The following PITPNC1 variants were observed in gnomAD, a reference collection of about 807,000 sequenced individuals.
PITPNC1 encodes the protein cytoplasmic phosphatidylinositol transfer protein 1.
PITPNC1 carries 18 observed loss-of-function variants against 44.7 expected under a neutral mutation model. That is an observed-to-expected ratio of 0.40 (90% CI 0.28 to 0.60). The LOEUF (loss-of-function observed/expected upper bound fraction) is 0.60. Ranked by LOEUF, PITPNC1 falls within the 20% of genes least tolerant of loss-of-function variation. PITPNC1 has a pLI of 0.39. For synonymous variants in PITPNC1, 141 were observed against 149.6 expected, an observed-to-expected ratio of 0.94 and a Z score of 0.42; for missense variants, 290 against 418.4, an observed-to-expected ratio of 0.69 and a Z score of 2.68.
chr17:67,614,806 A>G (rs1027384366), intron 5 of PITPNC1, among the ~76,000 whole-genome samples: 5 of 151,982 alleles, frequency 3.3e-5, no homozygotes, highest in African/African-American at 1.2e-4. Context: ...GAGCCCCAGG[A>G]GTTTGAGAGC....
At chr17:67,652,893 A>T (rs957095361) in intron 6 of PITPNC1, among the ~76,000 whole-genome samples, 3 of 152,212 alleles carry the variant, frequency 2.0e-5, no homozygotes, top group Non-Finnish European at 4.4e-5. Context: ...CCAGAATGTG[A>T]ACTTACTTGG....
intron 5 of PITPNC1, among the ~76,000 whole-genome samples, chr17:67,608,179 G>A (rs1399643586): frequency 4.8e-5 from 7 of 146,966 alleles, no homozygotes; most frequent in African/African-American, 1.0e-4. Flanking sequence ...GCCGATTATC[G>A]CAAAATGTTT....
intron 1 of PITPNC1, among the ~76,000 whole-genome samples, chr17:67,476,912 A>T (rs901819860): frequency 6.6e-6 from 1 of 152,118 alleles, no homozygotes; most frequent in African/African-American, 2.4e-5. Flanking sequence ...ATCACCTGCG[A>T]GCTTGTTAGA....
chr17:67,479,926 G>C (rs1300331622), intron 1 of PITPNC1, among the ~76,000 whole-genome samples: 1 of 152,178 alleles, frequency 6.6e-6, no homozygotes, highest in Non-Finnish European at 1.5e-5. Context: ...ATTCAGAGTT[G>C]TACAAGCAAC....
At chr17:67,692,220 AAC>A (rs534268823) in intron 8 of PITPNC1, among the ~76,000 whole-genome samples, 4 of 152,286 alleles carry the variant, frequency 2.6e-5, no homozygotes, top group Admixed American at 6.5e-5. Flanking sequence ...GACCCACAAC[AAC>A]ACAGATGCAC....
At chr17:67,534,416 TC>T (rs752799652) in intron 2 of PITPNC1, among the ~76,000 whole-genome samples, 58 of 152,080 alleles carry the variant, frequency 3.8e-4, no homozygotes, top group Non-Finnish European at 6.0e-4. Flanking sequence ...AGGTGGTAGA[TC>T]ACTTTAGGTC....
chr17:67,507,998 TG>T (rs2040130178), intron 1 of PITPNC1, among the ~76,000 whole-genome samples: 1 of 152,198 alleles, frequency 6.6e-6, no homozygotes, highest in Non-Finnish European at 1.5e-5. Context: ...GCCACCTAGT[TG>T]TCCCCGGAAT....
chr17:67,484,454 A>G (rs912139976), intron 1 of PITPNC1, among the ~76,000 whole-genome samples: 1 of 152,232 alleles, frequency 6.6e-6, no homozygotes, highest in South Asian at 2.1e-4. Context: ...TCTCTAGCTC[A>G]GTCGCCACAT....
At chr17:67,670,010 T>C (rs2042485619) in intron 7 of PITPNC1, among the ~76,000 whole-genome samples, 1 of 151,666 alleles carries the variant, frequency 6.6e-6, no homozygotes, top group Non-Finnish European at 1.5e-5. Flanking sequence ...GAGGCAGAGA[T>C]TGCAGTGAAC....
rs1443755863 is a variant in PITPNC1 at position 67,378,111 on chromosome 17, G to C, written c.-44G>C. 3.5e-6 allele frequency: 5 copies of C among 1,445,256 alleles called. No homozygotes were observed. Among genetic ancestry groups the C allele is most frequent in the Non-Finnish European group, 2.8e-6 (3 of 1,072,072 alleles). The allele number at this position is 1,445,256 out of a possible 1,614,324, so 89.5% of individuals were successfully genotyped here. Reference sequence around the variant, plus strand: ...GGCAGCAGCCTTGCTGGTCTTGGGGGCGCCCCCCGCTTCCCGCCCCGGGGG... The same window carrying C: ...GGCAGCAGCCTTGCTGGTCTTGGGGCCGCCCCCCGCTTCCCGCCCCGGGGG... On this transcript the variant is annotated 5_prime_UTR_variant, in exon 1 of 9. Transcript: ENST00000581322.
At chr17:67,479,604 TG>T (rs2144024166) in intron 1 of PITPNC1, among the ~76,000 whole-genome samples, 1 of 152,254 alleles carries the variant, frequency 6.6e-6, no homozygotes, top group African/African-American at 2.4e-5. Context: ...TACGGCTTCT[TG>T]GAACAAAGGA....
chr17:67,600,425 A>G (rs2041526076), intron 5 of PITPNC1, among the ~76,000 whole-genome samples: 1 of 152,186 alleles, frequency 6.6e-6, no homozygotes, highest in Admixed American at 6.5e-5. Context: ...CGGGCTGCTC[A>G]GAGGGAAAAG....
intron 1 of PITPNC1, among the ~76,000 whole-genome samples, chr17:67,514,611 G>A (rs2040234375): frequency 6.7e-6 from 1 of 148,562 alleles, no homozygotes; most frequent in Admixed American, 6.8e-5. Flanking sequence ...GATCACCCGA[G>A]GTCCGGAGTT....
In PITPNC1 at chr17:67,451,024, G is replaced by T. The variant is rs776443649; in HGVS notation, c.48+72822G>T. Among the ~76,000 whole-genome samples, 3 of 152,146 alleles carry T rather than the reference G, an allele frequency of 2.0e-5. No homozygotes were observed. The South Asian group carries it at 6.2e-4, about 32-fold the overall frequency. ...CAAGGTTCAGCTGTAGCCCATATCA[G>T]AATCTAATTTCTTTTCCTTTTTTTG... On this transcript the variant is annotated intron_variant, in intron 1 of 8. Transcript: ENST00000581322.
chr17:67,672,582 G>A (rs994954091), intron 7 of PITPNC1, among the ~76,000 whole-genome samples: 15 of 142,324 alleles, frequency 1.1e-4, no homozygotes, highest in African/African-American at 3.7e-4. Context: ...CTGGGGGACA[G>A]AGCAAGACTC....
chr17:67,681,885 C>T (rs1174981770), intron 8 of PITPNC1, among the ~76,000 whole-genome samples: 1 of 152,088 alleles, frequency 6.6e-6, no homozygotes, highest in African/African-American at 2.4e-5. Flanking sequence ...AGCCAATCCA[C>T]TTCCAGAATT....
chr17:67,466,232 T>C (rs59676896), intron 1 of PITPNC1, among the ~76,000 whole-genome samples: 43,746 of 147,330 alleles, frequency 0.3, 6,807 homozygotes, highest in African/African-American at 0.37. Flanking sequence ...CACGATGTTG[T>C]CCAGTCTGGT....
intron 5 of PITPNC1, among the ~76,000 whole-genome samples, chr17:67,608,388 T>C (rs1318383554): frequency 6.6e-6 from 1 of 152,024 alleles, no homozygotes; most frequent in Non-Finnish European, 1.5e-5. Context: ...GTTAAATCAG[T>C]AAATAAATAA....
intron 1 of PITPNC1, among the ~76,000 whole-genome samples, chr17:67,416,563 C>G (rs920927107): frequency 3.3e-5 from 5 of 152,074 alleles, no homozygotes; most frequent in Admixed American, 3.3e-4. Flanking sequence ...ATTTTACCCA[C>G]TGTCAGATGG....
Sources: allele counts gnomAD v4.1 joint callset (sites outside exome capture counted in the v4.1 genomes callset), GRCh38; gene constraint gnomAD v4.1.1; transcripts MANE v1.5; gene names NCBI Gene and HGNC (gene_info 2026-07-23, HGNC 2026-07-21).